Variants in SARNP observed in about 807,000 individuals in gnomAD.
SARNP encodes the protein SAP domain containing ribonucleoprotein, also known as SAP domain-containing ribonucleoprotein.
Under a neutral mutation model 38.1 loss-of-function variants are expected in SARNP, and 5 were observed. The observed-to-expected ratio is 0.13, with a 90% confidence interval of 0.07 to 0.28. The LOEUF (loss-of-function observed/expected upper bound fraction) is 0.28, where lower values mean the gene tolerates loss of function less well. SARNP is among the 10% of genes least tolerant of loss of function. The probability of loss-of-function intolerance (pLI) is 1.00; values close to 1 mark genes in which losing one functional copy is unlikely to be tolerated. For synonymous variants in SARNP, 84 were observed against 80.6 expected (o/e 1.04, Z -0.23); for missense variants, 180 against 243.9 (o/e 0.74, Z 1.75).
At chr12:55,767,457 G>A (rs964591311) in intron 9 of SARNP, among the ~76,000 whole-genome samples, 2 of 152,060 alleles carry the variant, frequency 1.3e-5, no homozygotes, top group South Asian at 2.1e-4. Context: ...GCTGATGGGG[G>A]AGGACTGCTT....
At chr12:55,792,292 A>T (rs1237331417) in intron 7 of SARNP, among the ~76,000 whole-genome samples, 4 of 152,170 alleles carry the variant, frequency 2.6e-5, no homozygotes, top group African/African-American at 9.7e-5. Context: ...CTTACTTAAA[A>T]CTACTGACGA....
intron 9 of SARNP, among the ~76,000 whole-genome samples, chr12:55,769,824 T>C (rs1302008972): frequency 6.6e-6 from 1 of 152,238 alleles, no homozygotes; most frequent in Non-Finnish European, 1.5e-5. Flanking sequence ...TTAGATGATT[T>C]TGCCCAACTG....
chr12:55,814,694 C>A (rs944599266), intron 1 of SARNP, among the ~76,000 whole-genome samples: 6 of 152,034 alleles, frequency 3.9e-5, no homozygotes, highest in African/African-American at 1.4e-4. Context: ...CATGGTGAAA[C>A]CCCATCTCTA....
chr12:55,755,178 T>C (rs1878467189), downstream of SARNP: 1 of 152,134 alleles, frequency 6.6e-6, no homozygotes, highest in Non-Finnish European at 1.5e-5. Context: ...CTCCCTTAAG[T>C]TCCTCCCTCA....
At chr12:55,774,883 G>GT (rs367957447) in intron 9 of SARNP, among the ~76,000 whole-genome samples, 22,419 of 110,734 alleles carry the variant, frequency 0.2, 4,155 homozygotes, top group African/African-American at 0.46. Context: ...ATTTCTATTT[G>GT]TTTTTTTTTT....
In SARNP at chr12:55,803,708, T is replaced by C. The variant is rs762681855; in HGVS notation, c.57A>G (p.Glu19=). ...HKLKLAELKQ[E]CLARGLETKG... Reference sequence around the variant, plus strand: ...TGGTCTCCAAACCACGAGCAAGACATTCTTGCTTTAGTTCGGCAAGCTGAG... The same window carrying C: ...TGGTCTCCAAACCACGAGCAAGACACTCTTGCTTTAGTTCGGCAAGCTGAG... Residue 19 remains glutamate, a synonymous_variant, in exon 2 of 11, where the codon GAA becomes GAG. Transcript: ENST00000336133. The C allele has an allele frequency of 3.7e-6, 6 of 1,613,208 alleles. No homozygotes were observed. The highest frequency in any genetic ancestry group is 4.2e-6 in the Non-Finnish European group (5 of 1,179,336).
chr12:55,762,316 T>C (rs1382515665), intron 9 of SARNP, among the ~76,000 whole-genome samples: 1 of 151,854 alleles, frequency 6.6e-6, no homozygotes, highest in African/African-American at 2.4e-5. Context: ...TTTTTTTTTT[T>C]TTTTTTTGAG....
intron 2 of SARNP, among the ~76,000 whole-genome samples, chr12:55,802,298 CA>C (rs1437783371): frequency 1.3e-5 from 2 of 152,088 alleles, no homozygotes; most frequent in East Asian, 3.9e-4. Context: ...AAGACTTTCA[CA>C]GGAACATAAG....
intron 8 of SARNP, among the ~76,000 whole-genome samples, chr12:55,789,896 A>T (rs1343360186): frequency 2.0e-5 from 3 of 149,938 alleles, no homozygotes; most frequent in African/African-American, 4.9e-5. Flanking sequence ...GTAAGCTGAG[A>T]TCGCACCACT....
intron 9 of SARNP, among the ~76,000 whole-genome samples, chr12:55,771,762 C>T (rs1879014828): frequency 6.6e-6 from 1 of 152,040 alleles, no homozygotes; most frequent in Non-Finnish European, 1.5e-5. Flanking sequence ...GTCTGATTTC[C>T]AAAGGAATGT....
chr12:55,786,743 C>T (rs1879508239), intron 9 of SARNP, among the ~76,000 whole-genome samples: 1 of 152,114 alleles, frequency 6.6e-6, no homozygotes, highest in African/African-American at 2.4e-5. Flanking sequence ...GCCACCGTGC[C>T]CAGTCGTGAC....
chr12:55,804,773 C>G (rs1030960447), intron 1 of SARNP, among the ~76,000 whole-genome samples: 2 of 151,984 alleles, frequency 1.3e-5, no homozygotes, highest in Non-Finnish European at 2.9e-5. Context: ...ATTCTATATG[C>G]AGATCAACAC....
At chr12:55,767,070 G>A (rs1878859313) in intron 9 of SARNP, among the ~76,000 whole-genome samples, 1 of 152,146 alleles carries the variant, frequency 6.6e-6, no homozygotes, top group Non-Finnish European at 1.5e-5. Flanking sequence ...AGACATTCAA[G>A]CCTGCTCCAA....
intron 7 of SARNP, chr12:55,793,761 A>G (rs1879742593): frequency 6.5e-6 from 1 of 152,794 alleles, no homozygotes; most frequent in South Asian, 2.1e-4. Flanking sequence ...TACTGTTAAT[A>G]TAATTTTGTA....
At chr12:55,760,715 T>G in intron 9 of SARNP, 75 bp from the exon 10 acceptor site, 2 of 1,030,966 alleles carry the variant, frequency 1.9e-6, no homozygotes, top group East Asian at 2.4e-5. Context: ...AAATGATAAC[T>G]TATTGGTCAC....
rs569138576 is a variant in SARNP at position 55,778,688 on chromosome 12, G to T, written c.501+10387C>A. Among the ~76,000 whole-genome samples the T allele has an allele frequency of 1.2e-4, 19 of 152,194 alleles. No homozygotes were observed. In the South Asian group the frequency reaches 3.7e-3, roughly 30 times the overall value. ...TTGTTTAGTCTTAAAAATGCTCCAA[G>T]AGGCCAGGTGTGGTAGCTCACGCCT... is the stretch of plus-strand genomic sequence containing the variant. On this transcript the variant is annotated intron_variant, in intron 9 of 10. Coordinates refer to ENST00000336133, the MANE Select transcript of SARNP (RefSeq NM_033082.4).
intron 9 of SARNP, among the ~76,000 whole-genome samples, chr12:55,771,754 C>G (rs192240408): frequency 4.3e-4 from 66 of 152,230 alleles, no homozygotes; most frequent in African/African-American, 1.6e-3. Flanking sequence ...TCAGGCCAGT[C>G]TGATTTCCAA....
intron 1 of SARNP, among the ~76,000 whole-genome samples, chr12:55,812,440 G>C (rs1463924187): frequency 6.6e-6 from 1 of 152,188 alleles, no homozygotes. Context: ...GTTCACTGCT[G>C]TATCTTTGGC....
chr12:55,781,253 A>G (rs1162442783), intron 9 of SARNP, among the ~76,000 whole-genome samples: 1 of 152,202 alleles, frequency 6.6e-6, no homozygotes, highest in Middle Eastern at 3.2e-3. Context: ...ACCTCAACAT[A>G]GTTAAGTGAC....
Sources: gnomAD v4.1 joint callset for allele counts (sites outside exome capture counted in the v4.1 genomes callset) on GRCh38, gnomAD v4.1.1 for gene constraint, MANE v1.5 for transcripts, NCBI Gene and HGNC (gene_info 2026-07-23, HGNC 2026-07-21) for gene names.